Variants in FOCAD observed in about 807,000 individuals in gnomAD.
FOCAD encodes the protein KIAA1797.
FOCAD carries 198 observed loss-of-function variants against 225.6 expected under a neutral mutation model. The ratio of observed to expected loss-of-function variants is 0.88; its 90% CI spans 0.78 to 0.99. The LOEUF is 0.99. Ranked by LOEUF, FOCAD falls within the 50% of genes least tolerant of loss-of-function variation. FOCAD has a pLI of 0.00. For synonymous variants in FOCAD, 897 were observed against 755.0 expected (o/e 1.19, Z -3.08); for missense variants, 2,713 against 2,123.6 (o/e 1.28, Z -5.46).
rs188987166 is a variant in FOCAD at position 20,807,963 on chromosome 9, A to G, written c.1456-11833A>G. Among the ~76,000 whole-genome samples the G allele has an allele frequency of 5.0e-4, 76 of 152,160 alleles. 1 individual carries two copies. The highest frequency in any genetic ancestry group is 3.4e-3 in the Middle Eastern group (1 of 294). ...CTACTTGTGAGGCTGAGGCATGAGA[A>G]TCGCTTGAACCCAGGAGGCCAAGGT... On this transcript the variant is annotated intron_variant, in intron 11 of 43. Coordinates refer to ENST00000338382, the MANE Select transcript of FOCAD (RefSeq NM_001375567.1).
intron 4 of FOCAD, among the ~76,000 whole-genome samples, chr9:20,723,070 C>T (rs1026680275): frequency 6.6e-5 from 10 of 152,326 alleles, no homozygotes; most frequent in African/African-American, 2.2e-4. Context: ...ATCATTCACA[C>T]ATCAGTATTA....
chr9:20,787,952 G>T (rs1243245791), intron 10 of FOCAD, among the ~76,000 whole-genome samples: 1 of 152,070 alleles, frequency 6.6e-6, no homozygotes, highest in African/African-American at 2.4e-5. Flanking sequence ...CAAAGAAATT[G>T]CATATCTACT....
intron 11 of FOCAD, among the ~76,000 whole-genome samples, chr9:20,808,133 C>T (rs1053623084): frequency 1.3e-5 from 2 of 152,054 alleles, no homozygotes; most frequent in African/African-American, 4.8e-5. Flanking sequence ...GGAACAGAAA[C>T]CTGAAACGAT....
At chr9:20,749,957 C>CA (rs1174259329) in intron 5 of FOCAD, among the ~76,000 whole-genome samples, 1 of 152,112 alleles carries the variant, frequency 6.6e-6, no homozygotes, top group African/African-American at 2.4e-5. Flanking sequence ...GGGAACCATG[C>CA]ATTTATCATT....
At chr9:20,740,125 G>A (rs1827488301) in intron 4 of FOCAD, 111 bp from the exon 5 acceptor site, 1 of 670,770 alleles carries the variant, frequency 1.5e-6, no homozygotes, top group Non-Finnish European at 2.6e-6. Flanking sequence ...GGTGGCTACT[G>A]TTTAATGTGG....
chr9:20,913,141 T>TACACACAC (rs1408604372), intron 23 of FOCAD, among the ~76,000 whole-genome samples, 187 bp downstream of exon 23: 1 of 100,496 alleles, frequency 1.0e-5, no homozygotes, highest in African/African-American at 4.0e-5. Context: ...TTATAAATTA[T>TACACACAC]ACATACACAC....
intron 15 of FOCAD, among the ~76,000 whole-genome samples, chr9:20,847,625 C>T (rs960722534): frequency 4.6e-5 from 7 of 151,946 alleles, no homozygotes; most frequent in African/African-American, 1.7e-4. Context: ...GATAATCATT[C>T]TTGGCAATAA....
intron 4 of FOCAD, among the ~76,000 whole-genome samples, chr9:20,728,399 G>C (rs1042426684): frequency 3.3e-5 from 5 of 152,076 alleles, no homozygotes; most frequent in African/African-American, 1.2e-4. Context: ...AAATAACTTT[G>C]TGCATGAAAC....
In FOCAD at chr9:20,874,736, A is replaced by T. The variant is rs1830087852; in HGVS notation, c.2246A>T (p.Asp749Val). The T allele has an allele frequency of 1.9e-6, 3 of 1,613,630 alleles. No homozygotes were observed. Among genetic ancestry groups the T allele is most frequent in the Middle Eastern group, 3.3e-4 (2 of 6,054 alleles). Reference sequence around the variant, plus strand: ...TTAGATGACGATGAAGATGTTGAGGATGTGGATCTTTCAGTTCCTGGCTCT... The same window carrying T: ...TTAGATGACGATGAAGATGTTGAGGTTGTGGATCTTTCAGTTCCTGGCTCT... ...EELDDDEDVE[D>V]VDLSVPGSCY... The change falls in exon 19 of 44, where the codon GAT becomes GTT. Residue 749 changes from aspartate (D) to valine (V), a missense_variant. Physicochemically the swap from Asp to Val is radical, Grantham distance 152 (BLOSUM62 -3). Transcript: ENST00000338382.
rs1276304328 is a variant in FOCAD at position 20,699,754 on chromosome 9, AAAAAAAAAAAAAAAAAAAAATATAT to A, written c.-33+15463_-33+15487del. ...CTCCGTCTCAAAAAAAAAAAAAAAA[AAAAAAAAAAAAAAAAAAAAATATAT>A]ATATATATATATATATATATATATA... On this transcript the variant is annotated intron_variant, in intron 1 of 43. Transcript: ENST00000338382. 3.0e-4 allele frequency among the ~76,000 whole-genome samples: 17 copies of A among 56,102 alleles called. No homozygotes were observed. The South Asian group carries it at 3.5e-3, about 12-fold the overall frequency. The allele number at this position is 56,102 out of a possible 152,430, so 36.8% of individuals were successfully genotyped here.
At chr9:20,720,707 T>C (rs1211294316) in intron 4 of FOCAD, among the ~76,000 whole-genome samples, 173 bp downstream of exon 4, 1 of 152,236 alleles carries the variant, frequency 6.6e-6, no homozygotes, top group Non-Finnish European at 1.5e-5. Flanking sequence ...TTAAACCCTA[T>C]AGTTTCAGAA....
chr9:20,988,537 C>A (rs1841386797), intron 41 of FOCAD, 108 bp downstream of exon 41: 27 of 202,718 alleles, frequency 1.3e-4, no homozygotes, highest in East Asian at 1.3e-3. Flanking sequence ...ACTGCAATTA[C>A]TTTTGCACCA....
At chr9:20,705,986 A>T (rs1824357431) in intron 1 of FOCAD, among the ~76,000 whole-genome samples, 1 of 141,720 alleles carries the variant, frequency 7.1e-6, no homozygotes, top group Admixed American at 7.5e-5. Flanking sequence ...CCAGGCTGGA[A>T]TACAGTGGCA....
chr9:20,681,891 G>A (rs1822409705), upstream of FOCAD, among the ~76,000 whole-genome samples: 1 of 152,128 alleles, frequency 6.6e-6, no homozygotes, highest in Non-Finnish European at 1.5e-5. Context: ...TAATGGTCAA[G>A]TTTCTCAATC....
At position 20,703,394 on chromosome 9, in the gene FOCAD, G is replaced by A. The variant is rs116992281; in HGVS notation, c.-32-11928G>A. ...TGGCTGAAGTGCCCTGACTGAAGGAGAGTTGCAAGACCAGAACCTTTTGGC... is the reference window on the plus strand; with the variant it reads ...TGGCTGAAGTGCCCTGACTGAAGGAAAGTTGCAAGACCAGAACCTTTTGGC... On this transcript the variant is annotated intron_variant, in intron 1 of 43. Coordinates refer to ENST00000338382, the MANE Select transcript of FOCAD (RefSeq NM_001375567.1). Among the ~76,000 whole-genome samples, 514 of 152,226 alleles carry A rather than the reference G, an allele frequency of 3.4e-3. 3 individuals carry two copies. The highest frequency in any genetic ancestry group is 5.9e-3 in the Non-Finnish European group (401 of 67,998).
upstream of FOCAD, among the ~76,000 whole-genome samples, chr9:20,682,539 A>G (rs558694159): frequency 6.6e-6 from 1 of 152,208 alleles, no homozygotes; most frequent in African/African-American, 2.4e-5. Flanking sequence ...TTATATACTT[A>G]GAACAGCGCT....
upstream of FOCAD, among the ~76,000 whole-genome samples, chr9:20,656,490 G>C (rs1821480281): frequency 6.6e-6 from 1 of 152,152 alleles, no homozygotes; most frequent in Admixed American, 6.5e-5. Context: ...ATTTAGGATA[G>C]TTAGCTCTTC....
intron 23 of FOCAD, among the ~76,000 whole-genome samples, chr9:20,916,393 A>G (rs776942627): frequency 1.1e-4 from 17 of 152,178 alleles, no homozygotes; most frequent in Non-Finnish European, 2.1e-4. Flanking sequence ...CATTTTCTAT[A>G]AACACATAGC....
At chr9:20,806,600 C>T (rs905369491) in intron 11 of FOCAD, among the ~76,000 whole-genome samples, 7 of 152,084 alleles carry the variant, frequency 4.6e-5, no homozygotes, top group Non-Finnish European at 7.4e-5. Context: ...ACCTTTCCCT[C>T]GGGGGCATTG....
Sources: gnomAD v4.1 joint callset for allele counts (sites outside exome capture counted in the v4.1 genomes callset) on GRCh38, gnomAD v4.1.1 for gene constraint, MANE v1.5 for transcripts, NCBI Gene and HGNC (gene_info 2026-07-23, HGNC 2026-07-21) for gene names.